The following OXR1 variants were observed in gnomAD, a reference collection of about 807,000 sequenced individuals.
OXR1 encodes the protein oxidation resistance protein 1.
In OXR1, 41 loss-of-function variants were observed where a neutral mutation model predicts 104.6. The observed-to-expected ratio is 0.39, with a 90% confidence interval of 0.31 to 0.51. The LOEUF is 0.51. OXR1 is among the 20% of genes least tolerant of loss of function. The pLI is 0.77. For synonymous variants in OXR1, 348 were observed against 348.4 expected, an observed-to-expected ratio of 1.00 and a Z score of 0.01; for missense variants, 955 against 1,031.9, an observed-to-expected ratio of 0.93 and a Z score of 1.02.
chr8:106,557,413 T>A (rs531193760), intron 3 of OXR1, among the ~76,000 whole-genome samples: 4 of 152,272 alleles, frequency 2.6e-5, no homozygotes, highest in African/African-American at 9.6e-5. Context: ...TAGACTAAAG[T>A]TTTTCCTCAA....
At chr8:106,399,376 G>C (rs923835474) in intron 2 of OXR1, among the ~76,000 whole-genome samples, 1 of 152,140 alleles carries the variant, frequency 6.6e-6, no homozygotes, top group Non-Finnish European at 1.5e-5. Flanking sequence ...GCTCCCAGCT[G>C]TTTACCTGGC....
chr8:106,551,283 G>C (rs1372671040), intron 3 of OXR1, among the ~76,000 whole-genome samples: 2 of 152,102 alleles, frequency 1.3e-5, no homozygotes, highest in African/African-American at 4.8e-5. Context: ...CTCAATAATT[G>C]CTGTGATTAG....
chr8:106,386,154 A>G (rs1817363315), intron 2 of OXR1, among the ~76,000 whole-genome samples: 1 of 152,176 alleles, frequency 6.6e-6, no homozygotes. Flanking sequence ...ACTATCCCGT[A>G]ATAAAATTCT....
At chr8:106,373,816 C>T (rs1449909785) in intron 2 of OXR1, among the ~76,000 whole-genome samples, 2 of 152,202 alleles carry the variant, frequency 1.3e-5, no homozygotes, top group Non-Finnish European at 2.9e-5. Context: ...TCTTGAACTC[C>T]TGACCTCAAG....
At chr8:106,640,186 T>G (rs1823506364) in intron 3 of OXR1, among the ~76,000 whole-genome samples, 1 of 152,016 alleles carries the variant, frequency 6.6e-6, no homozygotes, top group Non-Finnish European at 1.5e-5. Context: ...ACAAACAATA[T>G]CAAATTTGTG....
intron 3 of OXR1, among the ~76,000 whole-genome samples, chr8:106,597,997 T>A (rs765407208): frequency 1.6e-4 from 25 of 152,226 alleles, no homozygotes; most frequent in Non-Finnish European, 3.4e-4. Flanking sequence ...AGTCTCCACT[T>A]GGGCATCATT....
intron 3 of OXR1, among the ~76,000 whole-genome samples, chr8:106,636,656 T>C (rs1823165582): frequency 6.6e-6 from 1 of 152,206 alleles, no homozygotes; most frequent in East Asian, 1.9e-4. Flanking sequence ...TATGGTTCTA[T>C]GTTTTGGTCT....
intron 1 of OXR1, among the ~76,000 whole-genome samples, chr8:106,294,713 A>C (rs1289719567): frequency 6.6e-6 from 1 of 152,162 alleles, no homozygotes. Context: ...ATCTGCCTCC[A>C]TGATCACCTC....
chr8:106,731,029 G>A (rs1833841416), intron 11 of OXR1, among the ~76,000 whole-genome samples: 1 of 152,144 alleles, frequency 6.6e-6, no homozygotes, highest in African/African-American at 2.4e-5. Context: ...GCTGACATTT[G>A]CTGTTGTCAG....
chr8:106,544,363 AG>A (rs1815188137), intron 3 of OXR1, among the ~76,000 whole-genome samples: 1 of 152,190 alleles, frequency 6.6e-6, no homozygotes, highest in Non-Finnish European at 1.5e-5. Context: ...CATTTTTGTT[AG>A]AAAGTTTGAT....
intron 6 of OXR1, among the ~76,000 whole-genome samples, chr8:106,688,905 T>A (rs1829014410): frequency 2.0e-5 from 3 of 152,112 alleles, no homozygotes; most frequent in Admixed American, 2.0e-4. Flanking sequence ...AGACATATGA[T>A]CTAAATTAAA....
At chr8:106,429,188 G>A (rs78307930) in intron 2 of OXR1, among the ~76,000 whole-genome samples, 2,168 of 152,092 alleles carry the variant, frequency 0.014, 51 homozygotes, top group African/African-American at 0.05. Context: ...TTGTTCCCCA[G>A]CTTGAAATTC....
At chr8:106,711,137 A>G (rs1247068562) in intron 10 of OXR1, among the ~76,000 whole-genome samples, 2 of 152,214 alleles carry the variant, frequency 1.3e-5, no homozygotes, top group Middle Eastern at 3.4e-3. Context: ...AATTCTTCAA[A>G]TATTCATTAA....
intron 2 of OXR1, among the ~76,000 whole-genome samples, chr8:106,385,632 C>A (rs1294295018): frequency 6.6e-6 from 1 of 152,098 alleles, no homozygotes; most frequent in Non-Finnish European, 1.5e-5. Flanking sequence ...AGTAACCGTC[C>A]AAGGTCACGC....
chr8:106,444,592 G>A lies in OXR1; in HGVS notation c.24-74351G>A, dbSNP rs117300876. On this transcript the variant is annotated intron_variant, in intron 2 of 16. Coordinates refer to ENST00000517566, the MANE Select transcript of OXR1 (RefSeq NM_001198533.2). ...CTCAGCAAACTAACACAGGAACAGC[G>A]AACCAAACACCGCATGTTCTCATTC... Among the ~76,000 whole-genome samples the A allele has an allele frequency of 4.3e-3, 659 of 152,112 alleles. 6 individuals carry two copies. The highest frequency in any genetic ancestry group is 5.2e-3 in the Non-Finnish European group (355 of 67,998).
chr8:106,721,035 C>G (rs1264438662), intron 11 of OXR1, among the ~76,000 whole-genome samples: 1 of 152,066 alleles, frequency 6.6e-6, no homozygotes, highest in Non-Finnish European at 1.5e-5. Context: ...TGGACAATAT[C>G]AGCATCCACC....
At chr8:106,459,177 GT>G (rs1820771809) in intron 2 of OXR1, among the ~76,000 whole-genome samples, 1 of 152,150 alleles carries the variant, frequency 6.6e-6, no homozygotes, top group Non-Finnish European at 1.5e-5. Context: ...CAGTGCAACA[GT>G]GTTGGGAGAT....
intron 6 of OXR1, among the ~76,000 whole-genome samples, chr8:106,687,364 C>T (rs1054142441): frequency 6.6e-6 from 1 of 152,142 alleles, no homozygotes; most frequent in Non-Finnish European, 1.5e-5. Context: ...TTATTGTTCA[C>T]CCTGGGTTTT....
At chr8:106,597,201 G>A (rs544746907) in intron 3 of OXR1, among the ~76,000 whole-genome samples, 14 of 152,254 alleles carry the variant, frequency 9.2e-5, no homozygotes, top group African/African-American at 2.9e-4. Flanking sequence ...AGACGATGCT[G>A]TTCAAAGGTG....
Sources: allele counts gnomAD v4.1 joint callset (sites outside exome capture counted in the v4.1 genomes callset), GRCh38; gene constraint gnomAD v4.1.1; transcripts MANE v1.5; gene names NCBI Gene and HGNC (gene_info 2026-07-23, HGNC 2026-07-21).